VAC14: variants seen among roughly 807,000 people sequenced by gnomAD.
The protein encoded by VAC14 is protein VAC14 homolog.
VAC14 carries 47 observed loss-of-function variants against 85.3 expected under a neutral mutation model. The ratio of observed to expected loss-of-function variants is 0.55; its 90% confidence interval spans 0.44 to 0.70. The LOEUF (loss-of-function observed/expected upper bound fraction) is 0.70, where lower values mean the gene tolerates loss of function less well. Among genes scored for constraint, VAC14 ranks in the 30% least tolerant of loss-of-function variants. The probability of loss-of-function intolerance (pLI) is 0.00; values close to 1 mark genes in which losing one functional copy is unlikely to be tolerated. For missense variants in VAC14, 861 were observed against 1,004.3 expected, an observed-to-expected ratio of 0.86 and a Z score of 1.93; for synonymous variants, 447 against 430.5, an observed-to-expected ratio of 1.04 and a Z score of -0.47.
chr16:70,695,698 C>T (rs1056587169), intron 16 of VAC14, 75 bp from the exon 17 acceptor site: 11 of 1,441,538 alleles, frequency 7.6e-6, no homozygotes, highest in Non-Finnish European at 9.7e-6. Flanking sequence ...CGCCCTCCCC[C>T]CCTGCACCTG....
chr16:70,700,190 A>G (rs2053796354), intron 14 of VAC14: 1 of 152,156 alleles, frequency 6.6e-6, no homozygotes. Context: ...GCAACCCCAG[A>G]GCATTTGGTA....
chr16:70,758,799 C>G (rs1295866468), intron 12 of VAC14, among the ~76,000 whole-genome samples: 1 of 152,236 alleles, frequency 6.6e-6, no homozygotes, highest in Non-Finnish European at 1.5e-5. Flanking sequence ...ACTTAAAAAA[C>G]AATCAGATCT....
At chr16:70,729,550 G>A (rs968399689) in intron 14 of VAC14, among the ~76,000 whole-genome samples, 2 of 152,170 alleles carry the variant, frequency 1.3e-5, no homozygotes, top group Admixed American at 6.5e-5. Context: ...GCAGCGGCTC[G>A]CAGCAGACCA....
chr16:70,731,423 C>T (rs775636680), intron 14 of VAC14, 72 bp downstream of exon 14: 45 of 1,561,740 alleles, frequency 2.9e-5, no homozygotes, highest in Non-Finnish European at 3.8e-5. Context: ...GCTGCTTTGA[C>T]ACTTGAATGG....
intron 9 of VAC14, among the ~76,000 whole-genome samples, chr16:70,778,223 G>A (rs1267251310): frequency 6.6e-6 from 1 of 152,144 alleles, no homozygotes; most frequent in Admixed American, 6.5e-5. Flanking sequence ...CACTGGCCGG[G>A]AATCAAACCC....
intron 14 of VAC14, chr16:70,699,241 T>C (rs1480476546): frequency 5.1e-6 from 1 of 194,852 alleles, no homozygotes; most frequent in East Asian, 1.2e-4. Flanking sequence ...TCCAGCCAAT[T>C]CTCCACACAT....
intron 1 of VAC14, among the ~76,000 whole-genome samples, chr16:70,795,494 TA>T (rs71153603): frequency 0.21 from 19,597 of 91,860 alleles, 1,431 homozygotes; most frequent in African/African-American, 0.25. Context: ...AGACTCTGTC[TA>T]AAAAAAAAAA....
At chr16:70,787,415 C>G (rs751571854) in intron 1 of VAC14, among the ~76,000 whole-genome samples, 74 of 152,250 alleles carry the variant, frequency 4.9e-4, no homozygotes, top group Non-Finnish European at 9.3e-4. Context: ...GGGAGAGGAG[C>G]AGGTCGGAGG....
chr16:70,687,900 C>G lies in VAC14; in HGVS notation c.*28G>C, dbSNP rs751572538. 2 of 1,482,878 alleles carry G rather than the reference C, an allele frequency of 1.3e-6. No individual in the cohort carries two copies. Among genetic ancestry groups the G allele is most frequent in the Admixed American group, 4.3e-5 (2 of 46,262 alleles). 91.9% of individuals were successfully genotyped at this position (1,482,878 alleles called of 1,614,324 possible). On this transcript the variant is annotated 3_prime_UTR_variant, in exon 19 of 19. Transcript: ENST00000261776. ...ACCCTTAGTGTTTCATGGGACCACT[C>G]GGTGGGCCCTCCTCCGTGCCAGGCC...
intron 17 of VAC14, among the ~76,000 whole-genome samples, chr16:70,694,742 C>T (rs368997215): frequency 6.6e-6 from 1 of 152,230 alleles, no homozygotes; most frequent in Non-Finnish European, 1.5e-5. Context: ...GAGCTGTGCT[C>T]GCCCCAGCCA....
intron 10 of VAC14, among the ~76,000 whole-genome samples, chr16:70,764,803 G>A (rs547993745): frequency 6.6e-5 from 10 of 152,176 alleles, no homozygotes; most frequent in Admixed American, 6.5e-5. Flanking sequence ...CAGTAGCCAC[G>A]TGGCTGCCGC....
chr16:70,731,731 G>T, intron 13 of VAC14, 104 bp from the exon 14 acceptor site: 1 of 1,256,456 alleles, frequency 8.0e-7, no homozygotes, highest in Non-Finnish European at 1.1e-6. Context: ...AAAGATGTGT[G>T]TGGGGGGTGT....
In VAC14 at chr16:70,800,756, CA is replaced by C. The variant is rs1310017398; in HGVS notation, c.104+40del. 3 of 1,570,718 alleles carry C rather than the reference CA, an allele frequency of 1.9e-6. No homozygotes were observed. In the East Asian group the frequency reaches 6.9e-5, roughly 36 times the overall value. On this transcript the variant is annotated intron_variant, in intron 1 of 18. Coordinates refer to ENST00000261776, the MANE Select transcript of VAC14 (RefSeq NM_018052.5). ...AAGTCCCCCTGGGGAGCAGAGCAGT[CA>C]GGGGCTGCATAGCCAGGGAGGGGTC...
chr16:70,781,050 C>G, intron 8 of VAC14, 111 bp from the exon 9 acceptor site: 1 of 1,476,328 alleles, frequency 6.8e-7, no homozygotes, highest in Non-Finnish European at 9.2e-7. Flanking sequence ...GGAGGGGTTT[C>G]GGTCATGGGG....
At chr16:70,737,605 CA>C (rs1252461630) in intron 13 of VAC14, among the ~76,000 whole-genome samples, 1 of 152,144 alleles carries the variant, frequency 6.6e-6, no homozygotes, top group Non-Finnish European at 1.5e-5. Flanking sequence ...GGCGGCTGGC[CA>C]GGGGCACAGA....
In VAC14 at chr16:70,784,118, A is replaced by C. The variant is rs747440116; in HGVS notation, c.589T>G (p.Ser197Ala). ...NNQYARQFII[S>A]WILVLESVPD... The stretch of plus-strand genomic sequence containing the variant: ...GGTGTCCGGCCAGGCCTTACCCAGG[A>C]GATGATGAACTGCCGGGCATACTGG... Residue 197 changes from serine (S) to alanine (A), a missense_variant, in exon 5 of 19, where the codon TCC (serine) becomes GCC (alanine). Physicochemically the swap from Ser to Ala is moderately conservative, Grantham distance 99 (BLOSUM62 1). Coordinates refer to ENST00000261776, the MANE Select transcript of VAC14 (RefSeq NM_018052.5). 5.0e-6 allele frequency: 8 copies of C among 1,613,920 alleles called. No individual in the cohort carries two copies.
intron 14 of VAC14, chr16:70,716,818 G>A (rs1256027830): frequency 6.6e-6 from 1 of 152,308 alleles, no homozygotes; most frequent in Non-Finnish European, 1.5e-5. Context: ...AGGCCACAAA[G>A]GAGGAATCAG....
intron 13 of VAC14, among the ~76,000 whole-genome samples, chr16:70,736,232 G>C (rs2054747067): frequency 6.6e-6 from 1 of 152,216 alleles, no homozygotes; most frequent in Non-Finnish European, 1.5e-5. Flanking sequence ...TATTAAATGA[G>C]ATAAAAACAT....
intron 12 of VAC14, among the ~76,000 whole-genome samples, chr16:70,759,091 C>G (rs1293013080): frequency 6.6e-6 from 1 of 152,186 alleles, no homozygotes; most frequent in Non-Finnish European, 1.5e-5. Flanking sequence ...GGCAGCAGAG[C>G]TGGGTCTCTG....
Sources: gnomAD v4.1 joint callset for allele counts (sites outside exome capture counted in the v4.1 genomes callset) on GRCh38, gnomAD v4.1.1 for gene constraint, MANE v1.5 for transcripts, NCBI Gene and HGNC (gene_info 2026-07-23, HGNC 2026-07-21) for gene names.